C13orf46: variants seen among roughly 807,000 people sequenced by gnomAD.
C13orf46 encodes uncharacterized protein C13orf46.
chr13:113,930,387 CA>C, the C13orf46 span, among the ~76,000 whole-genome samples: 5 of 103,106 alleles, frequency 4.8e-5, no homozygotes, highest in African/African-American at 2.2e-4. Flanking sequence ...GGCGGGGGCG[CA>C]GGAGCACCGA....
In C13orf46 at chr13:113,955,757, G is replaced by GAGCATCCGGCGGAGACGAGA. The variant is rs2052524035; in HGVS notation, c.*1015_*1016insTCTCGTCTCCGCCGGATGCT. On this transcript the variant is annotated 3_prime_UTR_variant, in exon 7 of 7. Transcript: ENST00000636427. ...AGGAGTAGTGTCTGGCAGAGAGGAG[G>GAGCATCCGGCGGAGACGAGA]AGCATCCGGCGGAGACGAGGAGCAG... 4.4e-5 allele frequency: 7 copies of GAGCATCCGGCGGAGACGAGA among 158,892 alleles called. No homozygotes were observed. Among genetic ancestry groups the GAGCATCCGGCGGAGACGAGA allele is most frequent in the African/African-American group, 1.8e-4 (7 of 38,818 alleles). The allele number at this position is 158,892 out of a possible 1,614,324, so 9.8% of individuals were successfully genotyped here.
chr13:113,935,216 C>T, the C13orf46 span, among the ~76,000 whole-genome samples: 1 of 152,242 alleles, frequency 6.6e-6, no homozygotes, highest in Non-Finnish European at 1.5e-5. Flanking sequence ...GGGGCTTGGT[C>T]CCTGCGGCTG....
the C13orf46 span, among the ~76,000 whole-genome samples, chr13:113,930,034 G>A: frequency 2.0e-5 from 3 of 152,354 alleles, no homozygotes; most frequent in South Asian, 2.1e-4. Context: ...CTGGACGGAT[G>A]TCTCTGGTGC....
the C13orf46 span, among the ~76,000 whole-genome samples, chr13:113,946,662 G>A: frequency 2.0e-5 from 3 of 152,354 alleles, no homozygotes; most frequent in African/African-American, 7.2e-5. Context: ...AGAGGACGGA[G>A]AGCCTGTCCC....
At chr13:113,950,512 C>T (rs1473990375), downstream of C13orf46, among the ~76,000 whole-genome samples, 1 of 152,246 alleles carries the variant, frequency 6.6e-6, no homozygotes, top group African/African-American at 2.4e-5. Context: ...CCCTGCCTGC[C>T]CCTCAAGGTG....
At chr13:113,927,884 C>T in the C13orf46 span, 1 of 344,306 alleles carries the variant, frequency 2.9e-6, no homozygotes, top group Non-Finnish European at 5.2e-6. Flanking sequence ...CAGCAAGTCT[C>T]TTGGAAACAT....
chr13:113,952,344 G>A (rs1004151297), downstream of C13orf46, among the ~76,000 whole-genome samples: 8 of 115,242 alleles, frequency 6.9e-5, no homozygotes, highest in Non-Finnish European at 1.3e-4. Flanking sequence ...CTGTGTGGCC[G>A]CCGCTCCCGC....
intron 1 of C13orf46, among the ~76,000 whole-genome samples, chr13:113,972,796 C>T (rs551986279): frequency 4.6e-5 from 7 of 152,342 alleles, no homozygotes; most frequent in Admixed American, 3.3e-4. Context: ...TTCTTGCAAA[C>T]GGGGCGCCTG....
chr13:113,940,006 G>A, the C13orf46 span, among the ~76,000 whole-genome samples: 1 of 152,192 alleles, frequency 6.6e-6, no homozygotes, highest in Admixed American at 6.5e-5. Context: ...GACGCAGGGG[G>A]ACCAGGATGC....
chr13:113,953,103 C>T (rs1027072051), downstream of C13orf46, among the ~76,000 whole-genome samples: 3 of 152,236 alleles, frequency 2.0e-5, no homozygotes, highest in Non-Finnish European at 4.4e-5. Context: ...GAGTTCAGCG[C>T]CCACTGAGCC....
At chr13:113,969,873 T>C (rs2052685895) in intron 2 of C13orf46, among the ~76,000 whole-genome samples, 1 of 152,100 alleles carries the variant, frequency 6.6e-6, no homozygotes, top group South Asian at 2.1e-4. Flanking sequence ...CCATGGGGTG[T>C]CTACTGAGAG....
downstream of C13orf46, among the ~76,000 whole-genome samples, chr13:113,951,285 CG>C (rs1328732888): frequency 2.6e-5 from 4 of 152,202 alleles, no homozygotes; most frequent in Non-Finnish European, 2.9e-5. Flanking sequence ...CCCTCAGCAC[CG>C]GGGCCCCCAC....
At chr13:113,929,847 C>T in the C13orf46 span, among the ~76,000 whole-genome samples, 1 of 152,198 alleles carries the variant, frequency 6.6e-6, no homozygotes, top group Non-Finnish European at 1.5e-5. Flanking sequence ...GGCCCAGCGC[C>T]CTCCAATGGA....
chr13:113,948,665 T>C, the C13orf46 span, among the ~76,000 whole-genome samples: 2 of 152,238 alleles, frequency 1.3e-5, no homozygotes, highest in South Asian at 4.1e-4. Flanking sequence ...ACCTCACACG[T>C]TCTGGTACTG....
chr13:113,957,812 C>G (rs2052552331), intron 6 of C13orf46, among the ~76,000 whole-genome samples: 1 of 140,440 alleles, frequency 7.1e-6, no homozygotes, highest in Non-Finnish European at 1.5e-5. Flanking sequence ...TCATCAAGCA[C>G]ACTGGTGGGT....
chr13:113,949,163 G>GC (rs2138960933), downstream of C13orf46, among the ~76,000 whole-genome samples: 1 of 150,188 alleles, frequency 6.7e-6, no homozygotes, highest in East Asian at 1.9e-4. Context: ...GGGTTGGGGA[G>GC]CCCCCAGGCT....
chr13:113,970,840 A>C (rs2052697234), intron 1 of C13orf46, among the ~76,000 whole-genome samples: 1 of 152,220 alleles, frequency 6.6e-6, no homozygotes, highest in African/African-American at 2.4e-5. Flanking sequence ...CAGGAACATC[A>C]ACTCGGGTGA....
chr13:113,927,639 T>C, the C13orf46 span: 1 of 398,644 alleles, frequency 2.5e-6, no homozygotes, highest in Non-Finnish European at 4.4e-6. Context: ...TGGCAGTGGT[T>C]CCTGCTCCAA....
At chr13:113,932,834 G>A in the C13orf46 span, among the ~76,000 whole-genome samples, 2 of 151,924 alleles carry the variant, frequency 1.3e-5, no homozygotes, top group Non-Finnish European at 2.9e-5. Context: ...AAGTTTTACT[G>A]TTTTAGTTCA....
Sources: gnomAD v4.1 joint callset for allele counts (sites outside exome capture counted in the v4.1 genomes callset) on GRCh38, gnomAD v4.1.1 for gene constraint, MANE v1.5 for transcripts, NCBI Gene and HGNC (gene_info 2026-07-23, HGNC 2026-07-21) for gene names.